Variants in ADAMTS1 observed in about 807,000 individuals in gnomAD.
ADAMTS1 encodes the protein A disintegrin and metalloproteinase with thrombospondin motifs 1.
In ADAMTS1, 19 loss-of-function variants were observed where a neutral mutation model predicts 87.9. That is an observed-to-expected ratio of 0.22 (90% CI 0.15 to 0.32). The LOEUF is 0.32. ADAMTS1 is among the 10% of genes least tolerant of loss of function. The pLI, the probability that ADAMTS1 is intolerant of heterozygous loss-of-function variation, is 1.00. For synonymous variants in ADAMTS1, 542 were observed against 501.8 expected (o/e 1.08, Z -1.07); for missense variants, 1,240 against 1,259.1 (o/e 0.98, Z 0.23).
At position 26,841,905 on chromosome 21, in the gene ADAMTS1, A is replaced by G. The variant is rs765855308; in HGVS notation, c.1163T>C (p.Ile388Thr). The change falls in exon 3 of 9, where the codon ATA (isoleucine) becomes ACA (threonine). Residue 388 changes from isoleucine to threonine, a missense_variant. Ile to Thr is a moderately conservative substitution (Grantham distance 89, BLOSUM62 -1). This residue lies in a region of ADAMTS1 where 317 missense variants were observed against 410.3 expected (regional missense o/e 0.77). Coordinates refer to ENST00000284984, the MANE Select transcript of ADAMTS1 (RefSeq NM_006988.5). ...GGCAGCTTGTAAACCATCATCTTCTATGACGGAGCAGCTTCTGCTCGGATC... is the reference window on the plus strand; with the variant it reads ...GGCAGCTTGTAAACCATCATCTTCTGTGACGGAGCAGCTTCTGCTCGGATC... ...VCDPSRSCSVIEDDGLQAAFT... is the reference protein window; with the variant it reads ...VCDPSRSCSVTEDDGLQAAFT... 3.2e-5 allele frequency: 51 copies of G among 1,614,030 alleles called. No homozygotes were observed. The highest frequency in any genetic ancestry group is 2.1e-4 in the South Asian group (19 of 91,072).
chr21:26,844,330 C>T lies in ADAMTS1; in HGVS notation c.625G>A (p.Gly209Arg), dbSNP rs771891800. ...TCCTCGTCTTCGGTCTCCGCTTTCCCAGTCGGCCGGGGCTCGTCGTCCACG... is the reference window on the plus strand; with the variant it reads ...TCCTCGTCTTCGGTCTCCGCTTTCCTAGTCGGCCGGGGCTCGTCGTCCACG... ...GVVDDEPRPT[G>R]KAETEDEDEG... is the part of the protein sequence containing the mutation. Residue 209 changes from glycine to arginine, a missense_variant, in exon 1 of 9, where the codon GGG becomes AGG. By Grantham distance (125) the Gly-to-Arg change is moderately radical. Coordinates refer to ENST00000284984, the MANE Select transcript of ADAMTS1 (RefSeq NM_006988.5). 3.7e-6 allele frequency: 6 copies of T among 1,607,872 alleles called. No individual in the cohort carries two copies. The highest frequency in any genetic ancestry group is 4.2e-6 in the Non-Finnish European group (5 of 1,178,576).
At position 26,844,871 on chromosome 21, in the gene ADAMTS1, C is replaced by T. The variant is rs1238588994; in HGVS notation, c.84G>A (p.Arg28=). 1.9e-6 allele frequency: 3 copies of T among 1,548,864 alleles called. No homozygotes were observed. Among genetic ancestry groups the T allele is most frequent in the East Asian group, 2.3e-5 (1 of 43,428 alleles). The change falls in exon 1 of 9, where the codon CGG becomes CGA. Residue 28 remains arginine (R), a synonymous_variant. Transcript: ENST00000284984. ...MGNAERAPGS[R]SFGPVPTLLL... ...GCAGCGTGGGTACTGGCCCAAAGCT[C>T]CGAGACCCCGGAGCCCGCTCCGCGT...
At chr21:26,840,736 C>A (rs565551761) in intron 4 of ADAMTS1, among the ~76,000 whole-genome samples, 174 bp from the exon 5 acceptor site, 1 of 152,202 alleles carries the variant, frequency 6.6e-6, no homozygotes, top group East Asian at 1.9e-4. Flanking sequence ...AAGATCTTAT[C>A]CTCAATGGGG....
chr21:26,836,992 A>T lies in ADAMTS1; in HGVS notation c.*587T>A, dbSNP rs1051118592. 26 of 152,432 alleles carry T rather than the reference A, an allele frequency of 1.7e-4. No individual in the cohort carries two copies. Among genetic ancestry groups the T allele is most frequent in the African/African-American group, 6.0e-4 (25 of 41,544 alleles). The allele number at this position is 152,432 out of a possible 1,614,324, so 9.4% of individuals were successfully genotyped here. On this transcript the variant is annotated 3_prime_UTR_variant, in exon 9 of 9. Coordinates refer to ENST00000284984, the MANE Select transcript of ADAMTS1 (RefSeq NM_006988.5). ...AAGAGGAAGCCATTTGCGTTATTTC[A>T]CGTTGCTGAGCCTTTCTCTCATGTT...
chr21:26,841,005 A>G lies in ADAMTS1; in HGVS notation c.1371T>C (p.Asn457=). 1.9e-6 allele frequency: 3 copies of G among 1,613,912 alleles called. No individual in the cohort carries two copies. Among genetic ancestry groups the G allele is most frequent in the Middle Eastern group, 1.7e-4 (1 of 6,056 alleles). ...SAYMITSFLD[N]GHGECLMDKP... ...GTAGCTGGAATATCTCACCATGACC[A>G]TTATCCAGAAATGATGTAATCATGT... The change falls in exon 4 of 9, where the codon AAT becomes AAC. Residue 457 remains asparagine, a synonymous_variant. Coordinates refer to ENST00000284984, the MANE Select transcript of ADAMTS1 (RefSeq NM_006988.5).
At chr21:26,838,963 C>G (rs1985435446) in intron 7 of ADAMTS1, 1 of 193,516 alleles carries the variant, frequency 5.2e-6, no homozygotes, top group African/African-American at 2.3e-5. Context: ...AAATCACTTG[C>G]TGAATATTGA....
At position 26,837,852 on chromosome 21, in the gene ADAMTS1, T is replaced by C; in HGVS notation, c.2631A>G (p.Arg877=). The C allele has an allele frequency of 1.9e-6, 3 of 1,614,210 alleles. No individual in the cohort carries two copies. Among genetic ancestry groups the C allele is most frequent in the Non-Finnish European group, 2.5e-6 (3 of 1,180,032 alleles). ...CATTAATGTCTCGGCATTCTACCAG[T>C]CTTCTCTGCCAACCCAATTCACATG... ...SKSCELGWQR[R]LVECRDINGQ... The change falls in exon 9 of 9, where the codon AGA becomes AGG. Residue 877 remains arginine (R), a synonymous_variant. Transcript: ENST00000284984.
intron 1 of ADAMTS1, 112 bp from the exon 2 acceptor site, chr21:26,842,797 C>T: frequency 2.5e-6 from 2 of 799,248 alleles, no homozygotes; most frequent in Non-Finnish European, 3.9e-6. Context: ...AAAAATATAC[C>T]CAGAACAACA....
Position 26,837,571 on chromosome 21 carries a change from T to G in ADAMTS1, c.*8A>C, listed in dbSNP as rs774742514. 5 of 1,612,982 alleles carry G rather than the reference T, an allele frequency of 3.1e-6. No homozygotes were observed. The highest frequency in any genetic ancestry group is 4.2e-6 in the Non-Finnish European group (5 of 1,179,326). On this transcript the variant is annotated 3_prime_UTR_variant, in exon 9 of 9. Transcript: ENST00000284984. ...CCTTGCCCTCAAAGCTAACACCACT[T>G]AAACCACTTAACTGCATTCTGCCAT...
intron 5 of ADAMTS1, 51 bp downstream of exon 5, chr21:26,840,225 C>G: frequency 6.3e-7 from 1 of 1,584,408 alleles, no homozygotes; most frequent in Non-Finnish European, 8.6e-7. Context: ...ATATCTTTTA[C>G]CATCACTTTG....
Position 26,837,346 on chromosome 21 carries a change from C to T in ADAMTS1, c.*233G>A, listed in dbSNP as rs1985387120. 1 of 510,326 alleles carries T rather than the reference C, an allele frequency of 2.0e-6. No homozygotes were observed. The allele number at this position is 510,326 out of a possible 1,614,324, so 31.6% of individuals were successfully genotyped here. A position where few individuals can be genotyped will look rare whatever the true frequency, so the allele number is the denominator to read the frequency against. ...TAATAATGCCCGGGGCTTTATTATG[C>T]TATATCACTGCTCAGAGGTTAATAA... is the stretch of plus-strand genomic sequence containing the variant. On this transcript the variant is annotated 3_prime_UTR_variant, in exon 9 of 9. Transcript: ENST00000284984.
At chr21:26,840,251 A>T in intron 5 of ADAMTS1, 25 bp downstream of exon 5, 1 of 1,603,466 alleles carries the variant, frequency 6.2e-7, no homozygotes, top group Non-Finnish European at 8.5e-7. Context: ...TTCAATTCTG[A>T]ATGTGTTTCA....
chr21:26,842,789 A>G, intron 1 of ADAMTS1, 104 bp from the exon 2 acceptor site: 1 of 872,770 alleles, frequency 1.1e-6, no homozygotes, highest in South Asian at 1.8e-5. Flanking sequence ...AACAAAGCAA[A>G]AATATACCCA....
Position 26,838,028 on chromosome 21 carries a change from C to T in ADAMTS1, c.2455G>A (p.Glu819Lys), listed in dbSNP as rs1398296299. Residue 819 changes from glutamate to lysine, a missense_variant, in exon 9 of 9, where the codon GAG becomes AAG. Physicochemically the swap from Glu to Lys is moderately conservative, Grantham distance 56. Coordinates refer to ENST00000284984, the MANE Select transcript of ADAMTS1 (RefSeq NM_006988.5). ...GTAAGAACCTGGATGGTCAAGGGCTCTTTGAGAGGGCTAAAGCTGCGAATT... is the reference window on the plus strand; with the variant it reads ...GTAAGAACCTGGATGGTCAAGGGCTTTTTGAGAGGGCTAAAGCTGCGAATT... Reference protein sequence around the residue: ...ERIRSFSPLKEPLTIQVLTVG... With the variant: ...ERIRSFSPLKKPLTIQVLTVG... The T allele has an allele frequency of 6.2e-7, 1 of 1,614,170 alleles. No individual in the cohort carries two copies. Among genetic ancestry groups the T allele is most frequent in the South Asian group, 1.1e-5 (1 of 91,084 alleles).
intron 3 of ADAMTS1, chr21:26,841,421 G>C (rs753728774): frequency 1.9e-5 from 7 of 362,514 alleles, no homozygotes; most frequent in Non-Finnish European, 3.5e-5. Flanking sequence ...AGAAGTTGCA[G>C]TGAGCCGAGA....
At chr21:26,842,746 G>T in intron 1 of ADAMTS1, 61 bp from the exon 2 acceptor site, 3 of 1,410,588 alleles carry the variant, frequency 2.1e-6, no homozygotes, top group Non-Finnish European at 2.9e-6. Context: ...TACCTTCCTA[G>T]CATATATTAG....
chr21:26,839,920 C>G lies in ADAMTS1; in HGVS notation c.1807G>C (p.Val603Leu). The change falls in exon 6 of 9, where the codon GTG (valine) becomes CTG (leucine). Residue 603 changes from valine to leucine, a missense_variant. Physicochemically the swap from Val to Leu is conservative, Grantham distance 32. Transcript: ENST00000284984. The part of the protein sequence containing the change: ...NGGKYCEGKR[V>L]RYRSCNLEDC... ...TCAAGGTTACAGGATCTGTAGCGCA[C>G]TCGTTTGCCTTCACAGTACTTCCCT... 6.2e-7 allele frequency: 1 copy of G among 1,614,104 alleles called. No homozygotes were observed. Among genetic ancestry groups the G allele is most frequent in the Non-Finnish European group, 8.5e-7 (1 of 1,180,026 alleles).
At position 26,835,850 on chromosome 21, in the gene ADAMTS1, T is replaced by C. The variant is rs1985353689; in HGVS notation, c.*1729A>G. ...CCCATTATTTGTTTTTGCAAGTAGTTTTTTTAGAACACAGCCATGTCCATT... is the reference window on the plus strand; with the variant it reads ...CCCATTATTTGTTTTTGCAAGTAGTCTTTTTAGAACACAGCCATGTCCATT... On this transcript the variant is annotated 3_prime_UTR_variant, in exon 9 of 9. Coordinates refer to ENST00000284984, the MANE Select transcript of ADAMTS1 (RefSeq NM_006988.5). 1 of 152,214 alleles carries C rather than the reference T, an allele frequency of 6.6e-6. No individual in the cohort carries two copies. Among genetic ancestry groups the C allele is most frequent in the Non-Finnish European group, 1.5e-5 (1 of 68,042 alleles). The allele number at this position is 152,214 out of a possible 1,614,324, so 9.4% of individuals were successfully genotyped here.
At position 26,840,070 on chromosome 21, in the gene ADAMTS1, A is replaced by G. The variant is rs1476630090; in HGVS notation, c.1666-9T>C. On this transcript the variant is annotated splice_polypyrimidine_tract_variant and intron_variant, in intron 5 of 8. Coordinates refer to ENST00000284984, the MANE Select transcript of ADAMTS1 (RefSeq NM_006988.5). Reference sequence around the variant, plus strand: ...CTTCCATGAAAAGGCGTCTAAATGGAGACATAAATCATCAGCATTAGAATT... The same window carrying G: ...CTTCCATGAAAAGGCGTCTAAATGGGGACATAAATCATCAGCATTAGAATT... 3.1e-6 allele frequency: 5 copies of G among 1,611,330 alleles called. No individual in the cohort carries two copies. The highest frequency in any genetic ancestry group is 3.4e-6 in the Non-Finnish European group (4 of 1,179,136).
Sources: gnomAD v4.1 joint callset for allele counts (sites outside exome capture counted in the v4.1 genomes callset) on GRCh38, gnomAD v4.1.1 for gene constraint, gnomAD v4.1.1 regional missense constraint, MANE v1.5 for transcripts, NCBI Gene and HGNC (gene_info 2026-07-23, HGNC 2026-07-21) for gene names.